SPATA7: variants seen among roughly 807,000 people sequenced by gnomAD.
SPATA7 encodes the protein spermatogenesis-associated protein 7.
SPATA7 carries 43 observed loss-of-function variants against 51.8 expected under a neutral mutation model. That is an observed-to-expected ratio of 0.83 (90% CI 0.65 to 1.07). SPATA7 has a LOEUF of 1.07. SPATA7 is among the 50% of genes least tolerant of loss of function. The pLI is 0.00. For missense variants in SPATA7, 683 were observed against 701.3 expected (o/e 0.97, Z 0.30); for synonymous variants, 230 against 252.8 (o/e 0.91, Z 0.86).
At chr14:88,434,699 A>T (rs1444476146) in intron 10 of SPATA7, among the ~76,000 whole-genome samples, 1 of 151,682 alleles carries the variant, frequency 6.6e-6, no homozygotes, top group Non-Finnish European at 1.5e-5. Flanking sequence ...AAAAAAAAAA[A>T]AAAGAAAAAG....
chr14:88,429,678 G>T (rs560862634), intron 8 of SPATA7, among the ~76,000 whole-genome samples: 17 of 152,068 alleles, frequency 1.1e-4, no homozygotes, highest in Non-Finnish European at 2.4e-4. Context: ...TAATTCATTA[G>T]TAAAGGAAAA....
chr14:88,429,245 T>C, intron 7 of SPATA7, 103 bp from the exon 8 acceptor site: 1 of 680,650 alleles, frequency 1.5e-6, no homozygotes, highest in South Asian at 1.6e-5. Context: ...AATTTTTATC[T>C]ACTGGATATC....
At chr14:88,401,177 A>C (rs1298745502) in intron 4 of SPATA7, among the ~76,000 whole-genome samples, 1 of 152,246 alleles carries the variant, frequency 6.6e-6, no homozygotes, top group Non-Finnish European at 1.5e-5. Context: ...TCCCTGGGAT[A>C]CAAAGGTGGT....
At chr14:88,465,464 C>T (rs901402347) in intron 4 of SPATA7, among the ~76,000 whole-genome samples, 2 of 152,124 alleles carry the variant, frequency 1.3e-5, no homozygotes, top group Admixed American at 6.5e-5. Flanking sequence ...AAGACTCCGT[C>T]TCAAAAATAA....
intron 10 of SPATA7, among the ~76,000 whole-genome samples, chr14:88,433,450 A>G: frequency 6.6e-6 from 1 of 152,164 alleles, no homozygotes; most frequent in Non-Finnish European, 1.5e-5. Flanking sequence ...ATTCATTTTA[A>G]TATTATATCC....
At chr14:88,414,639 G>C (rs773855672) in intron 4 of SPATA7, 5 of 384,996 alleles carry the variant, frequency 1.3e-5, no homozygotes, top group South Asian at 1.0e-4. Context: ...TGCAATGTTA[G>C]ATTAATTTGA....
chr14:88,419,556 T>C (rs987769897), intron 5 of SPATA7, among the ~76,000 whole-genome samples: 5 of 150,558 alleles, frequency 3.3e-5, no homozygotes, highest in African/African-American at 1.2e-4. Flanking sequence ...AGACAGAGTC[T>C]CGCTTTTTTA....
Position 88,406,434 on chromosome 14 carries a change from C to CT in SPATA7, c.238+10246dup, listed in dbSNP as rs59427279. ...CTAGCCCCAGGCAACCACTAATCTA[C>CT]TTTTTTTTTTTTTTTAGCATTCTAT... On this transcript the variant is annotated intron_variant, in intron 4 of 11. Coordinates refer to ENST00000393545, the MANE Select transcript of SPATA7 (RefSeq NM_018418.5). Among the ~76,000 whole-genome samples the CT allele has an allele frequency of 6.9e-3, 959 of 138,072 alleles. 3 individuals are homozygous for CT. Among genetic ancestry groups the CT allele is most frequent in the Middle Eastern group, 0.011 (3 of 268 alleles). The allele number at this position is 138,072 out of a possible 152,430, so 90.6% of individuals were successfully genotyped here.
chr14:88,423,638 C>CT (rs1449503962), intron 5 of SPATA7, among the ~76,000 whole-genome samples: 1 of 150,946 alleles, frequency 6.6e-6, no homozygotes, highest in Non-Finnish European at 1.5e-5. Context: ...TAATTTGAAA[C>CT]TTTTTTGCAA....
chr14:88,434,339 G>A (rs1407458337), intron 10 of SPATA7, among the ~76,000 whole-genome samples: 1 of 152,110 alleles, frequency 6.6e-6, no homozygotes, highest in East Asian at 1.9e-4. Context: ...AAATGATGTT[G>A]AAGTGAATTT....
At chr14:88,465,501 C>T (rs1220432815) in intron 4 of SPATA7, among the ~76,000 whole-genome samples, 1 of 152,014 alleles carries the variant, frequency 6.6e-6, no homozygotes, top group Non-Finnish European at 1.5e-5. Context: ...TTTCTGTGCT[C>T]AAAACTACCA....
At chr14:88,448,974 T>C (rs1038987318) in intron 3 of SPATA7, among the ~76,000 whole-genome samples, 1 of 152,198 alleles carries the variant, frequency 6.6e-6, no homozygotes, top group African/African-American at 2.4e-5. Context: ...TTAATCTCAC[T>C]AATGGTCTAT....
In SPATA7 at chr14:88,433,120, G is replaced by T; in HGVS notation, c.1083-15G>T. The T allele has an allele frequency of 6.3e-7, 1 of 1,598,458 alleles. No individual in the cohort carries two copies. Among genetic ancestry groups the T allele is most frequent in the Non-Finnish European group, 8.6e-7 (1 of 1,168,162 alleles). On this transcript the variant is annotated splice_polypyrimidine_tract_variant and intron_variant, in intron 9 of 11. Coordinates refer to ENST00000393545, the MANE Select transcript of SPATA7 (RefSeq NM_018418.5). Reference sequence around the variant, plus strand: ...AGGAATAATTTTTATGCTATATATTGCCTTCCTTTTACAGTGAAGAAGAAC... The same window carrying T: ...AGGAATAATTTTTATGCTATATATTTCCTTCCTTTTACAGTGAAGAAGAAC...
At chr14:88,463,266 C>T (rs1020056459) in intron 4 of SPATA7, among the ~76,000 whole-genome samples, 3 of 152,278 alleles carry the variant, frequency 2.0e-5, no homozygotes, top group African/African-American at 7.2e-5. Flanking sequence ...ATTTGCCCTC[C>T]TTCACCCCCT....
intron 3 of SPATA7, among the ~76,000 whole-genome samples, chr14:88,445,547 C>A (rs1446300420): frequency 2.6e-5 from 4 of 151,802 alleles, no homozygotes; most frequent in Non-Finnish European, 5.9e-5. Context: ...TGAGAGAGGG[C>A]ATCCCTGTCT....
intron 3 of SPATA7, among the ~76,000 whole-genome samples, chr14:88,449,278 C>T (rs1412999574): frequency 6.6e-6 from 1 of 152,026 alleles, no homozygotes; most frequent in Admixed American, 6.6e-5. Context: ...TGTGTCACTA[C>T]TATCATTCAG....
At position 88,391,384 on chromosome 14, in the gene SPATA7, G is replaced by A. The variant is rs1481817409; in HGVS notation, c.23G>A (p.Arg8Lys). The A allele has an allele frequency of 6.2e-7, 1 of 1,612,156 alleles. No individual in the cohort carries two copies. The highest frequency in any genetic ancestry group is 8.5e-7 in the Non-Finnish European group (1 of 1,179,160). Residue 8 changes from arginine (R) to lysine (K), a missense_variant, in exon 2 of 12, where the codon AGA becomes AAA. Transcript: ENST00000393545. MDGSRRV[R>K]ATSVLPRYGP... is the part of the protein sequence containing the mutation. ...GATTTTTTTTTCTTGTTAAAAGTCAGAGCAACCTCTGTCCTTCCCAGATAT... is the reference window on the plus strand; with the variant it reads ...GATTTTTTTTTCTTGTTAAAAGTCAAAGCAACCTCTGTCCTTCCCAGATAT...
At chr14:88,418,171 T>C (rs975947301) in intron 5 of SPATA7, among the ~76,000 whole-genome samples, 9 of 152,186 alleles carry the variant, frequency 5.9e-5, no homozygotes, top group African/African-American at 2.2e-4. Flanking sequence ...CATCAGAGAT[T>C]GAGTCAGTTT....
rs140302075 is a variant in SPATA7, at chr14:88,395,282, G to A, written c.191-874G>A. On this transcript the variant is annotated intron_variant, in intron 3 of 11. Transcript: ENST00000393545. ...TGAATTTCACCAATTTTTGACTAAT[G>A]TCTTTTAAATTTTTATTTTCTCATT... 3.5e-3 allele frequency among the ~76,000 whole-genome samples: 534 copies of A among 151,082 alleles called. 3 individuals are homozygous for A. Among genetic ancestry groups the A allele is most frequent in the African/African-American group, 0.012 (489 of 40,716 alleles).
Sources: gnomAD v4.1 joint callset for allele counts (sites outside exome capture counted in the v4.1 genomes callset) on GRCh38, gnomAD v4.1.1 for gene constraint, MANE v1.5 for transcripts, NCBI Gene and HGNC (gene_info 2026-07-23, HGNC 2026-07-21) for gene names.